Variants in ATP8B4 observed in about 807,000 individuals in gnomAD.
ATP8B4 encodes the protein ATPase phospholipid transporting 8B4 (putative).
ATP8B4 carries 133 observed loss-of-function variants against 145.6 expected under a neutral mutation model. The ratio of observed to expected loss-of-function variants is 0.91; its 90% CI spans 0.79 to 1.05. The LOEUF (loss-of-function observed/expected upper bound fraction) is 1.05, where lower values mean the gene tolerates loss of function less well. ATP8B4 is among the 50% of genes least tolerant of loss of function. The probability of loss-of-function intolerance (pLI) is 0.00; values close to 1 mark genes in which losing one functional copy is unlikely to be tolerated. For synonymous variants in ATP8B4, 507 were observed against 492.9 expected (o/e 1.03, Z -0.38); for missense variants, 1,458 against 1,425.2 (o/e 1.02, Z -0.37).
intron 2 of ATP8B4, among the ~76,000 whole-genome samples, chr15:50,104,236 C>T (rs2056541851): frequency 6.6e-6 from 1 of 152,074 alleles, no homozygotes; most frequent in Admixed American, 6.6e-5. Flanking sequence ...ATAAATGGTA[C>T]TTCATTAAAC....
At chr15:49,918,812 TATC>T in intron 19 of ATP8B4, 24 bp downstream of exon 19, 2 of 1,528,610 alleles carry the variant, frequency 1.3e-6, no homozygotes, top group Non-Finnish European at 1.8e-6. Context: ...ATTTTCAAAA[TATC>T]ATCAACATCC....
chr15:50,155,340 T>C (rs1221836171), intron 1 of ATP8B4, among the ~76,000 whole-genome samples: 1 of 152,146 alleles, frequency 6.6e-6, no homozygotes, highest in African/African-American at 2.4e-5. Flanking sequence ...TCTAAAACTA[T>C]AAAGTTATAT....
rs1388909648 is a variant in ATP8B4 at position 49,859,151 on chromosome 15, CA to C, written c.*1042del. 6.6e-6 allele frequency: 1 copy of C among 152,204 alleles called. No homozygotes were observed. The highest frequency in any genetic ancestry group is 1.5e-5 in the Non-Finnish European group (1 of 68,022). The allele number at this position is 152,204 out of a possible 1,614,324, so 9.4% of individuals were successfully genotyped here. A position where few individuals can be genotyped will look rare whatever the true frequency, so the allele number is the denominator to read the frequency against. On this transcript the variant is annotated 3_prime_UTR_variant, in exon 28 of 28. Transcript: ENST00000284509. Reference sequence around the variant, plus strand: ...ATCTCCAAAAAAACAACCTTACCTACATATGTTTACTACATGTTTGAATTAT... The same window carrying C: ...ATCTCCAAAAAAACAACCTTACCTACTATGTTTACTACATGTTTGAATTAT...
rs1229540350 is a variant in ATP8B4, at chr15:50,151,623, T to A, written c.-43+30638A>T. Among the ~76,000 whole-genome samples, 5 of 152,028 alleles carry A rather than the reference T, an allele frequency of 3.3e-5. No individual in the cohort carries two copies. In the East Asian group the frequency reaches 5.8e-4, roughly 18 times the overall value. On this transcript the variant is annotated intron_variant, in intron 1 of 3. Coordinates refer to the ATP8B4 transcript ENST00000558829. ...AAAAGTAGCTTGATGTAGTGGCACA[T>A]GCCTGTAGTCCCAGCTTCTCTAGGG...
At chr15:49,992,266 G>A (rs145325805) in intron 9 of ATP8B4, among the ~76,000 whole-genome samples, 1 of 152,264 alleles carries the variant, frequency 6.6e-6, no homozygotes, top group East Asian at 1.9e-4. Context: ...GAGAACTTTA[G>A]GGCCTTTACC....
upstream of ATP8B4, among the ~76,000 whole-genome samples, chr15:50,124,031 A>C (rs1182823883): frequency 2.6e-5 from 4 of 152,156 alleles, no homozygotes; most frequent in African/African-American, 4.8e-5. Flanking sequence ...TACACTAATA[A>C]TGTTCCTGGG....
chr15:49,891,467 A>G (rs1004329313), intron 23 of ATP8B4, among the ~76,000 whole-genome samples: 14 of 152,072 alleles, frequency 9.2e-5, no homozygotes, highest in African/African-American at 3.1e-4. Flanking sequence ...CTGGGATTAC[A>G]GGCACGCTCC....
chr15:50,042,794 AAC>A (rs1441719831), intron 5 of ATP8B4, among the ~76,000 whole-genome samples: 1 of 152,180 alleles, frequency 6.6e-6, no homozygotes, highest in Non-Finnish European at 1.5e-5. Flanking sequence ...AGACTAAAAC[AAC>A]CATGAAAAAG....
intron 14 of ATP8B4, among the ~76,000 whole-genome samples, chr15:49,950,796 T>C (rs573620046): frequency 6.6e-6 from 1 of 152,202 alleles, no homozygotes; most frequent in African/African-American, 2.4e-5. Context: ...AATGTTAGGG[T>C]GTTGATTTGA....
chr15:50,033,231 G>T (rs759727410), intron 6 of ATP8B4, among the ~76,000 whole-genome samples: 5 of 152,202 alleles, frequency 3.3e-5, no homozygotes, highest in Non-Finnish European at 5.9e-5. Flanking sequence ...TTTAAGCAAA[G>T]TTTACCAATG....
intron 1 of ATP8B4, among the ~76,000 whole-genome samples, chr15:50,180,266 G>A (rs2044826202): frequency 6.6e-6 from 1 of 152,048 alleles, no homozygotes; most frequent in South Asian, 2.1e-4. Flanking sequence ...TACCCCTAAG[G>A]GCTGTTGGCA....
chr15:49,987,322 T>G lies in ATP8B4; in HGVS notation c.748+69A>C, dbSNP rs530646550. 3.9e-6 allele frequency: 6 copies of G among 1,534,450 alleles called. No individual in the cohort carries two copies. In the Admixed American group the frequency reaches 5.4e-5, roughly 14 times the overall value. On this transcript the variant is annotated intron_variant, in intron 10 of 27. Coordinates refer to ENST00000284509, the MANE Select transcript of ATP8B4 (RefSeq NM_024837.4). ...ACTGCGCTCATCAGAACACAGAGAA[T>G]CATAGACTGTGCTGGTGTACGTTGC...
intron 1 of ATP8B4, among the ~76,000 whole-genome samples, chr15:50,142,931 G>T (rs545544062): frequency 6.6e-6 from 1 of 152,142 alleles, no homozygotes; most frequent in Admixed American, 6.6e-5. Context: ...GAGAAGAAAC[G>T]AACTGTTTCA....
chr15:49,967,467 T>C (rs148242318), intron 13 of ATP8B4, among the ~76,000 whole-genome samples: 210 of 152,192 alleles, frequency 1.4e-3, no homozygotes, highest in Non-Finnish European at 1.9e-3. Flanking sequence ...AAGAACTTCG[T>C]GAAGCATACA....
At chr15:50,087,705 G>T (rs1184630158) in intron 2 of ATP8B4, among the ~76,000 whole-genome samples, 1 of 151,846 alleles carries the variant, frequency 6.6e-6, no homozygotes, top group Non-Finnish European at 1.5e-5. Context: ...TTTTTCCAAG[G>T]TTGACCATTC....
chr15:49,927,040 C>T (rs554685941), intron 16 of ATP8B4, among the ~76,000 whole-genome samples: 11 of 152,180 alleles, frequency 7.2e-5, no homozygotes, highest in Admixed American at 5.9e-4. Context: ...CTGCCACTTG[C>T]CCCTGTTAAT....
intron 14 of ATP8B4, among the ~76,000 whole-genome samples, chr15:49,945,385 A>G (rs2042480524): frequency 6.6e-6 from 1 of 152,190 alleles, no homozygotes; most frequent in African/African-American, 2.4e-5. Context: ...CCTGACAAAG[A>G]AAAGCCCAAG....
intron 1 of ATP8B4, among the ~76,000 whole-genome samples, chr15:50,117,004 T>C (rs148984209): frequency 1.1e-4 from 16 of 152,300 alleles, no homozygotes; most frequent in African/African-American, 3.6e-4. Flanking sequence ...ACTCATGCTA[T>C]ACAAGAATTT....
intron 11 of ATP8B4, among the ~76,000 whole-genome samples, chr15:49,980,081 A>T (rs2046021919): frequency 6.6e-6 from 1 of 152,196 alleles, no homozygotes; most frequent in South Asian, 2.1e-4. Context: ...AAATGGAAGC[A>T]CAAGAAAGAC....
Sources: gnomAD v4.1 joint callset for allele counts (sites outside exome capture counted in the v4.1 genomes callset) on GRCh38, gnomAD v4.1.1 for gene constraint, MANE v1.5 for transcripts, NCBI Gene and HGNC (gene_info 2026-07-23, HGNC 2026-07-21) for gene names.